ANKS1B: variants seen among roughly 807,000 people sequenced by gnomAD.
ANKS1B encodes ankyrin repeat and sterile alpha motif domain-containing protein 1B.
A neutral mutation model predicts 148.3 loss-of-function variants in ANKS1B; 36 were observed. The ratio of observed to expected loss-of-function variants is 0.24; its 90% confidence interval spans 0.19 to 0.32. The LOEUF is 0.32. Ranked by LOEUF, ANKS1B falls within the 10% of genes least tolerant of loss-of-function variation. The pLI is 1.00. For synonymous variants in ANKS1B, 542 were observed against 560.8 expected (o/e 0.97, Z 0.47); for missense variants, 1,157 against 1,542.6 (o/e 0.75, Z 4.19).
rs548996580 is a variant in ANKS1B, at chr12:99,407,675, T to A, written c.1576-7864A>T. Among the ~76,000 whole-genome samples, 178 of 145,956 alleles carry A rather than the reference T, an allele frequency of 1.2e-3. 18 individuals carry two copies. Among genetic ancestry groups the A allele is most frequent in the South Asian group, 0.012 (55 of 4,748 alleles). ...AAAGTTGCAGAATACAAAATCAACA[T>A]ACAAAAACCAGTAGCATTTCTATAT... On this transcript the variant is annotated intron_variant, in intron 11 of 26. Coordinates refer to ENST00000683438, the MANE Select transcript of ANKS1B (RefSeq NM_001352186.2).
intron 8 of ANKS1B, among the ~76,000 whole-genome samples, chr12:99,674,274 G>A (rs1432284308): frequency 3.3e-5 from 5 of 151,672 alleles, no homozygotes; most frequent in South Asian, 2.1e-4. Flanking sequence ...ATAAAGTGAG[G>A]GCTGAAACTT....
Position 99,795,285 on chromosome 12 carries a change from C to T in ANKS1B, c.669+11119G>A, listed in dbSNP as rs76305811. 1.4e-3 allele frequency among the ~76,000 whole-genome samples: 208 copies of T among 151,478 alleles called. 5 individuals carry two copies. The East Asian group carries it at 0.035, about 26-fold the overall frequency. On this transcript the variant is annotated intron_variant, in intron 4 of 26. Transcript: ENST00000683438. ...TAAGACACTCTGAGGGAAAAAATTG[C>T]CTAAAAAGAAATAATAATTAGATCA... is the stretch of plus-strand genomic sequence containing the variant.
intron 9 of ANKS1B, among the ~76,000 whole-genome samples, chr12:99,534,237 G>A (rs1035125865): frequency 1.4e-4 from 22 of 152,214 alleles, no homozygotes; most frequent in African/African-American, 5.3e-4. Context: ...ATGTTCAGAA[G>A]TGAACAACTG....
intron 15 of ANKS1B, among the ~76,000 whole-genome samples, chr12:99,153,611 C>T (rs944371607): frequency 6.6e-6 from 1 of 152,112 alleles, no homozygotes; most frequent in African/African-American, 2.4e-5. Context: ...GCATGTAGAC[C>T]AGAATTCAGA....
intron 1 of ANKS1B, among the ~76,000 whole-genome samples, chr12:99,932,037 G>A (rs1733169586): frequency 6.6e-6 from 1 of 152,014 alleles, no homozygotes; most frequent in South Asian, 2.1e-4. Flanking sequence ...CTCTTTCTGT[G>A]CCTGGCTTAT....
chr12:98,771,021 T>G (rs1448747948), intron 25 of ANKS1B, among the ~76,000 whole-genome samples: 1 of 152,252 alleles, frequency 6.6e-6, no homozygotes, highest in Non-Finnish European at 1.5e-5. Context: ...TTGTACCACC[T>G]TGAGGGCATA....
intron 9 of ANKS1B, among the ~76,000 whole-genome samples, chr12:99,534,898 A>G (rs2077467296): frequency 6.6e-6 from 1 of 151,642 alleles, no homozygotes; most frequent in South Asian, 2.1e-4. Flanking sequence ...TTTAGTAGAG[A>G]CGGGGTTTCA....
intron 12 of ANKS1B, among the ~76,000 whole-genome samples, chr12:99,325,878 C>T (rs2086211350): frequency 6.6e-6 from 1 of 151,994 alleles, no homozygotes; most frequent in Admixed American, 6.6e-5. Flanking sequence ...CTGCCAAAGA[C>T]TGGGTAATTT....
chr12:99,832,675 G>T (rs2084211495), intron 1 of ANKS1B, among the ~76,000 whole-genome samples: 1 of 151,394 alleles, frequency 6.6e-6, no homozygotes, highest in African/African-American at 2.4e-5. Flanking sequence ...AGTGAGCCGA[G>T]ATCAGGCCAC....
At chr12:98,923,339 G>A (rs1339137255) in intron 17 of ANKS1B, among the ~76,000 whole-genome samples, 2 of 152,174 alleles carry the variant, frequency 1.3e-5, no homozygotes, top group Admixed American at 1.3e-4. Flanking sequence ...AGGATCATGA[G>A]CCAAATAAAC....
chr12:99,328,366 T>C (rs1394572388), intron 12 of ANKS1B, among the ~76,000 whole-genome samples: 1 of 151,872 alleles, frequency 6.6e-6, no homozygotes, highest in East Asian at 1.9e-4. Flanking sequence ...CCTCGAATAT[T>C]CAGTGCATGC....
In ANKS1B at chr12:99,578,717, A is replaced by G. The variant is rs145858779; in HGVS notation, c.1273-74076T>C. On this transcript the variant is annotated intron_variant, in intron 9 of 26. Transcript: ENST00000683438. ...TGAGAGACAACATAAACATATGGAA[A>G]AACATTCCATGCTCATGGATAGGAA... Among the ~76,000 whole-genome samples the G allele has an allele frequency of 3.7e-3, 556 of 152,274 alleles. 5 individuals are homozygous for G. Among genetic ancestry groups the G allele is most frequent in the African/African-American group, 0.011 (458 of 41,574 alleles).
chr12:99,490,144 G>T (rs79279232), intron 10 of ANKS1B, among the ~76,000 whole-genome samples: 5,992 of 152,270 alleles, frequency 0.039, 167 homozygotes, highest in South Asian at 0.084. Context: ...TACACACCTA[G>T]TTGACCTGGA....
At chr12:99,462,298 T>A (rs1595254848) in intron 10 of ANKS1B, among the ~76,000 whole-genome samples, 1 of 152,328 alleles carries the variant, frequency 6.6e-6, no homozygotes, top group East Asian at 1.9e-4. Context: ...CAAGCTGCTT[T>A]CAATGTCAGG....
chr12:99,892,198 T>C (rs1422493785), intron 1 of ANKS1B, among the ~76,000 whole-genome samples: 1 of 151,920 alleles, frequency 6.6e-6, no homozygotes, highest in Non-Finnish European at 1.5e-5. Flanking sequence ...AGAGACGGGG[T>C]TTCACCGTGT....
chr12:99,614,357 T>G (rs1417754846), intron 9 of ANKS1B, among the ~76,000 whole-genome samples: 1 of 151,300 alleles, frequency 6.6e-6, no homozygotes, highest in Admixed American at 6.6e-5. Flanking sequence ...ATCACTTGAA[T>G]GCAGGAGGCG....
intron 9 of ANKS1B, among the ~76,000 whole-genome samples, chr12:99,549,380 G>A (rs2153159438): frequency 6.6e-6 from 1 of 152,352 alleles, no homozygotes; most frequent in South Asian, 2.1e-4. Context: ...AATTCTTAGA[G>A]TTAAGCAGAT....
chr12:98,968,461 A>G (rs1249177780), intron 17 of ANKS1B, among the ~76,000 whole-genome samples: 1 of 142,770 alleles, frequency 7.0e-6, no homozygotes, highest in African/African-American at 3.0e-5. Flanking sequence ...TACCAGACCA[A>G]AAAAACAAAC....
At chr12:99,495,745 C>G (rs1414144821) in intron 10 of ANKS1B, among the ~76,000 whole-genome samples, 4 of 152,182 alleles carry the variant, frequency 2.6e-5, no homozygotes, top group Non-Finnish European at 5.9e-5. Flanking sequence ...AATATACCCA[C>G]AGAAATCATG....
Sources: allele counts gnomAD v4.1 joint callset (sites outside exome capture counted in the v4.1 genomes callset), GRCh38; gene constraint gnomAD v4.1.1; transcripts MANE v1.5; gene names NCBI Gene and HGNC (gene_info 2026-07-23, HGNC 2026-07-21).